The following ZNF112 variants were observed in gnomAD, a reference collection of about 807,000 sequenced individuals.
The protein encoded by ZNF112 is zinc finger protein 112.
In ZNF112, 37 loss-of-function variants were observed where a neutral mutation model predicts 77.7. The observed-to-expected ratio is 0.48, with a 90% CI of 0.37 to 0.63. The LOEUF (loss-of-function observed/expected upper bound fraction) is 0.63. Among genes scored for constraint, ZNF112 ranks in the 20% least tolerant of loss-of-function variants. ZNF112 has a pLI of 0.00. For synonymous variants in ZNF112, 333 were observed against 363.6 expected, an observed-to-expected ratio of 0.92 and a Z score of 0.96; for missense variants, 950 against 1,077.4, an observed-to-expected ratio of 0.88 and a Z score of 1.66.
At chr19:44,357,250 C>T (rs1364792739), upstream of ZNF112, among the ~76,000 whole-genome samples, 2 of 152,052 alleles carry the variant, frequency 1.3e-5, no homozygotes, top group Non-Finnish European at 2.9e-5. Flanking sequence ...TCAACCAAAG[C>T]GGACTTTACC....
intron 1 of ZNF112, among the ~76,000 whole-genome samples, chr19:44,349,635 AT>A (rs1443797263): frequency 6.6e-6 from 1 of 152,096 alleles, no homozygotes; most frequent in African/African-American, 2.4e-5. Flanking sequence ...CACAAAAAAA[AT>A]AATGAAAATG....
upstream of ZNF112, among the ~76,000 whole-genome samples, chr19:44,359,583 A>G (rs561018823): frequency 6.6e-6 from 1 of 151,942 alleles, no homozygotes; most frequent in Admixed American, 6.6e-5. Flanking sequence ...CAGCCTCCCA[A>G]AGTGCTGGCA....
At chr19:44,359,169 G>C (rs142167099), upstream of ZNF112, among the ~76,000 whole-genome samples, 25 of 152,174 alleles carry the variant, frequency 1.6e-4, no homozygotes, top group Admixed American at 3.9e-4. Flanking sequence ...TCAGAGGTCT[G>C]AGTTTCAGGT....
rs1256454445 is a variant in ZNF112, at chr19:44,329,293, G to A, written c.864C>T (p.Gly288=). 3 of 1,613,958 alleles carry A rather than the reference G, an allele frequency of 1.9e-6. No homozygotes were observed. The highest frequency in any genetic ancestry group is 1.7e-6 in the Non-Finnish European group (2 of 1,179,982). Residue 288 remains glycine (G), a synonymous_variant, in exon 4 of 4, where the codon GGC becomes GGT. Coordinates refer to ENST00000354340, the MANE Select transcript of ZNF112 (RefSeq NM_013380.4). ...KPYTYSSCGK[G]CNYSSLLHIH... ...TATGAAGAAGTGAACTATAATTACA[G>A]CCCTTTCCACATGAACTGTATGTAT...
At chr19:44,339,501 G>A (rs1467984110) in intron 2 of ZNF112, among the ~76,000 whole-genome samples, 1 of 152,180 alleles carries the variant, frequency 6.6e-6, no homozygotes, top group East Asian at 1.9e-4. Context: ...GAGCCTCTCT[G>A]GCTGGCAATG....
intron 1 of ZNF112, among the ~76,000 whole-genome samples, chr19:44,344,608 G>A (rs1385515294): frequency 1.3e-5 from 2 of 152,176 alleles, no homozygotes; most frequent in African/African-American, 2.4e-5. Context: ...AATATTTATG[G>A]ATTGCCTTCT....
chr19:44,331,152 T>C (rs1033348153), intron 3 of ZNF112, among the ~76,000 whole-genome samples: 3 of 152,194 alleles, frequency 2.0e-5, no homozygotes, highest in Non-Finnish European at 4.4e-5. Context: ...TTAACTCTTT[T>C]CAAAAGATAT....
intron 2 of ZNF112, 104 bp downstream of exon 2, chr19:44,340,312 T>C: frequency 1.3e-6 from 2 of 1,496,964 alleles, no homozygotes; most frequent in Admixed American, 4.5e-5. Context: ...CTCGGGCACC[T>C]AATCTCAGAG....
upstream of ZNF112, among the ~76,000 whole-genome samples, chr19:44,357,388 A>T (rs1970803847): frequency 6.6e-6 from 1 of 152,212 alleles, no homozygotes; most frequent in African/African-American, 2.4e-5. Flanking sequence ...GCAGGTACTT[A>T]AAGGAAATTG....
intron 1 of ZNF112, among the ~76,000 whole-genome samples, chr19:44,344,163 G>A: frequency 6.6e-6 from 1 of 152,156 alleles, no homozygotes; most frequent in Non-Finnish European, 1.5e-5. Context: ...CCTCTGTCTA[G>A]ATATGACAAA....
chr19:44,338,995 A>G (rs1970439677), intron 2 of ZNF112, among the ~76,000 whole-genome samples: 1 of 152,214 alleles, frequency 6.6e-6, no homozygotes, highest in African/African-American at 2.4e-5. Flanking sequence ...TGGGAGGCAG[A>G]GGATTCAGTG....
chr19:44,351,193 C>G (rs1970685689), intron 1 of ZNF112, among the ~76,000 whole-genome samples: 1 of 152,008 alleles, frequency 6.6e-6, no homozygotes. Context: ...CTGCTTTTCT[C>G]TTATAAGAAT....
intron 1 of ZNF112, among the ~76,000 whole-genome samples, chr19:44,345,885 T>C (rs1367824632): frequency 1.3e-5 from 2 of 152,186 alleles, no homozygotes; most frequent in Admixed American, 6.5e-5. Context: ...AAAGCTTTCA[T>C]AAAAAGGACA....
At chr19:44,341,254 T>C (rs756747635) in intron 1 of ZNF112, 22 of 454,414 alleles carry the variant, frequency 4.8e-5, no homozygotes, top group Non-Finnish European at 9.3e-5. Flanking sequence ...TGCAAAGTAA[T>C]TCAGAGAACT....
intron 1 of ZNF112, among the ~76,000 whole-genome samples, chr19:44,365,239 A>G (rs1354970011): frequency 6.6e-6 from 1 of 151,992 alleles, no homozygotes; most frequent in Non-Finnish European, 1.5e-5. Context: ...AGAGCACTTG[A>G]GCCCAGGAGT....
chr19:44,347,058 AT>A (rs1375022149), intron 1 of ZNF112, among the ~76,000 whole-genome samples: 1 of 151,830 alleles, frequency 6.6e-6, no homozygotes, highest in African/African-American at 2.4e-5. Flanking sequence ...GGGTTTCTCT[AT>A]TTTTTTCTTT....
At chr19:44,343,889 C>A (rs942640116) in intron 1 of ZNF112, among the ~76,000 whole-genome samples, 2 of 152,220 alleles carry the variant, frequency 1.3e-5, no homozygotes, top group African/African-American at 2.4e-5. Flanking sequence ...TTTTGTAAGA[C>A]ATCTGGACAG....
At chr19:44,330,923 T>G (rs567570409) in intron 3 of ZNF112, among the ~76,000 whole-genome samples, 2 of 152,322 alleles carry the variant, frequency 1.3e-5, no homozygotes, top group East Asian at 3.9e-4. Context: ...GTTGTTCATT[T>G]GTAAGTGTAC....
At chr19:44,349,751 A>T (rs1233693193) in intron 1 of ZNF112, among the ~76,000 whole-genome samples, 1 of 152,120 alleles carries the variant, frequency 6.6e-6, no homozygotes, top group Non-Finnish European at 1.5e-5. Flanking sequence ...ATCATGTTTG[A>T]TTGCAGAAGG....
Sources: allele counts gnomAD v4.1 joint callset (sites outside exome capture counted in the v4.1 genomes callset), GRCh38; gene constraint gnomAD v4.1.1; transcripts MANE v1.5; gene names NCBI Gene and HGNC (gene_info 2026-07-23, HGNC 2026-07-21).